Variants in BCAR3 observed in about 807,000 individuals in gnomAD.
The protein encoded by BCAR3 is BCAR3 adaptor protein, NSP family member, also known as breast cancer anti-estrogen resistance protein 3.
Under a neutral mutation model 80.1 loss-of-function variants are expected in BCAR3, and 37 were observed. That is an observed-to-expected ratio of 0.46 (90% CI 0.36 to 0.61). The LOEUF is 0.61. Ranked by LOEUF, BCAR3 falls within the 20% of genes least tolerant of loss-of-function variation. The pLI, the probability that BCAR3 is intolerant of heterozygous loss-of-function variation, is 0.00. For missense variants in BCAR3, 978 were observed against 1,068.2 expected, an observed-to-expected ratio of 0.92 and a Z score of 1.18; for synonymous variants, 389 against 418.9, an observed-to-expected ratio of 0.93 and a Z score of 0.87.
intron 2 of BCAR3, among the ~76,000 whole-genome samples, chr1:93,712,176 T>C (rs1175014586): frequency 1.3e-5 from 2 of 152,240 alleles, no homozygotes; most frequent in Non-Finnish European, 2.9e-5. Context: ...GAATAAATGT[T>C]ATCCTCTTCC....
chr1:93,797,113 A>C (rs574186921), intron 2 of BCAR3, among the ~76,000 whole-genome samples: 1 of 152,282 alleles, frequency 6.6e-6, no homozygotes, highest in African/African-American at 2.4e-5. Context: ...TTTAGAGGCC[A>C]CTTCTGCTTC....
intron 2 of BCAR3, among the ~76,000 whole-genome samples, chr1:93,665,564 A>G (rs1367578698): frequency 6.6e-6 from 1 of 152,192 alleles, no homozygotes; most frequent in Middle Eastern, 3.4e-3. Context: ...CTCTTTACAT[A>G]GAGCTCTAGA....
At chr1:93,574,734 G>A (rs979447872) in intron 8 of BCAR3, among the ~76,000 whole-genome samples, 1 of 152,200 alleles carries the variant, frequency 6.6e-6, no homozygotes, top group African/African-American at 2.4e-5. Context: ...GGGAGGTCAG[G>A]CCCCTAGGGC....
intron 2 of BCAR3, among the ~76,000 whole-genome samples, chr1:93,663,710 G>T (rs1403238539): frequency 6.6e-6 from 1 of 152,174 alleles, no homozygotes; most frequent in Non-Finnish European, 1.5e-5. Context: ...CCAGCACCTA[G>T]CATAAAGCCT....
At chr1:93,742,212 T>G (rs1651204168) in intron 2 of BCAR3, among the ~76,000 whole-genome samples, 1 of 152,156 alleles carries the variant, frequency 6.6e-6, no homozygotes, top group Non-Finnish European at 1.5e-5. Context: ...ACCAGAAGAC[T>G]TAGGAATAGG....
At chr1:93,739,786 G>A (rs1433192604) in intron 2 of BCAR3, among the ~76,000 whole-genome samples, 1 of 152,200 alleles carries the variant, frequency 6.6e-6, no homozygotes, top group Non-Finnish European at 1.5e-5. Context: ...TGTAATCCCA[G>A]CACTTTGGGA....
At chr1:93,842,121 A>G (rs960522929) in intron 2 of BCAR3, among the ~76,000 whole-genome samples, 3 of 148,276 alleles carry the variant, frequency 2.0e-5, no homozygotes, top group Non-Finnish European at 4.4e-5. Context: ...TTTATTTTAC[A>G]TCACAGCTGT....
intron 10 of BCAR3, 46 bp from the exon 11 acceptor site, chr1:93,567,537 G>A: frequency 6.3e-7 from 1 of 1,594,400 alleles, no homozygotes. Context: ...GTTTTCCAAA[G>A]TTAAGCACAG....
intron 2 of BCAR3, among the ~76,000 whole-genome samples, chr1:93,743,697 C>T (rs984953384): frequency 1.3e-5 from 2 of 152,126 alleles, no homozygotes; most frequent in African/African-American, 4.8e-5. Flanking sequence ...ACTCAATCAG[C>T]CAGGAAGTAC....
chr1:93,806,805 C>A (rs1343643935), intron 2 of BCAR3, among the ~76,000 whole-genome samples: 1 of 152,106 alleles, frequency 6.6e-6, no homozygotes, highest in Non-Finnish European at 1.5e-5. Flanking sequence ...GTTTTCTGAA[C>A]CTCAATAGAA....
Position 93,805,996 on chromosome 1 carries a change from T to C in BCAR3, c.-63+39571A>G, listed in dbSNP as rs112723402. ...ACAATAATAAGGTTAAATAATGAAA[T>C]TGAAGAAATCTCCCAAGTATAGATT... On this transcript the variant is annotated intron_variant, in intron 2 of 13. Transcript: ENST00000370244. Among the ~76,000 whole-genome samples, 716 of 151,932 alleles carry C rather than the reference T, an allele frequency of 4.7e-3. 3 individuals carry two copies. Among genetic ancestry groups the C allele is most frequent in the Non-Finnish European group, 8.4e-3 (573 of 67,948 alleles).
At chr1:93,713,429 A>G (rs1650094000) in intron 2 of BCAR3, among the ~76,000 whole-genome samples, 1 of 152,170 alleles carries the variant, frequency 6.6e-6, no homozygotes, top group Non-Finnish European at 1.5e-5. Flanking sequence ...CCTTCCAATC[A>G]CCAAATTCCT....
intron 2 of BCAR3, among the ~76,000 whole-genome samples, chr1:93,804,310 T>G (rs1653590210): frequency 1.3e-5 from 2 of 152,246 alleles, no homozygotes; most frequent in Admixed American, 1.3e-4. Flanking sequence ...CAAATTTTTC[T>G]TCTTCTGAGA....
intron 2 of BCAR3, among the ~76,000 whole-genome samples, chr1:93,777,899 G>T (rs548240858): frequency 2.1e-4 from 32 of 152,240 alleles, no homozygotes; most frequent in African/African-American, 7.0e-4. Context: ...GGTGAACAAT[G>T]GTCTTTATTT....
intron 2 of BCAR3, among the ~76,000 whole-genome samples, chr1:93,651,249 C>G (rs1441613764): frequency 6.6e-6 from 1 of 152,106 alleles, no homozygotes; most frequent in East Asian, 1.9e-4. Context: ...TTAGGCACAG[C>G]CAGAGGGACC....
upstream of BCAR3, chr1:93,847,713 AT>A (rs147168747): frequency 0.3 from 43,841 of 144,198 alleles, 8,522 homozygotes; most frequent in African/African-American, 0.56. Flanking sequence ...CATGTCTCTT[AT>A]TTTTTTTTTT....
At chr1:93,686,901 C>T (rs1237309691) in intron 3 of BCAR3, among the ~76,000 whole-genome samples, 1 of 152,188 alleles carries the variant, frequency 6.6e-6, no homozygotes, top group Non-Finnish European at 1.5e-5. Context: ...GTACCACAAA[C>T]TAAATAACCA....
chr1:93,579,545 A>G (rs775336971), intron 7 of BCAR3, among the ~76,000 whole-genome samples: 2 of 152,172 alleles, frequency 1.3e-5, no homozygotes, highest in Non-Finnish European at 2.9e-5. Flanking sequence ...AATGCACCAC[A>G]GCAAGCCAGG....
chr1:93,579,394 A>T (rs879855870), intron 7 of BCAR3, among the ~76,000 whole-genome samples: 2 of 152,190 alleles, frequency 1.3e-5, no homozygotes, highest in African/African-American at 4.8e-5. Context: ...GGGAAGAAGG[A>T]AGTTTCAACA....
Sources: allele counts gnomAD v4.1 joint callset (sites outside exome capture counted in the v4.1 genomes callset), GRCh38; gene constraint gnomAD v4.1.1; transcripts MANE v1.5; gene names NCBI Gene and HGNC (gene_info 2026-07-23, HGNC 2026-07-21).